EBF1: variants seen among roughly 807,000 people sequenced by gnomAD.
The protein encoded by EBF1 is EBF transcription factor 1.
In EBF1, 10 loss-of-function variants were observed where a neutral mutation model predicts 68.4. The observed-to-expected ratio is 0.15, with a 90% CI of 0.09 to 0.25. The LOEUF (loss-of-function observed/expected upper bound fraction) is 0.25, where lower values mean the gene tolerates loss of function less well. EBF1 is among the 10% of genes least tolerant of loss of function. The pLI is 1.00. For synonymous variants in EBF1, 298 were observed against 299.8 expected, an observed-to-expected ratio of 0.99 and a Z score of 0.06; for missense variants, 509 against 794.4, an observed-to-expected ratio of 0.64 and a Z score of 4.32.
intron 6 of EBF1, among the ~76,000 whole-genome samples, chr5:159,044,813 A>G (rs1164297548): frequency 2.6e-5 from 4 of 152,166 alleles, no homozygotes; most frequent in Non-Finnish European, 4.4e-5. Flanking sequence ...CATCTATTTC[A>G]TATCCCCTTT....
intron 10 of EBF1, among the ~76,000 whole-genome samples, chr5:158,753,534 C>T (rs1369453549): frequency 6.6e-6 from 1 of 152,028 alleles, no homozygotes. Flanking sequence ...GCAGGAACCC[C>T]ATGAAGTGTC....
intron 15 of EBF1, among the ~76,000 whole-genome samples, chr5:158,705,876 G>A (rs573932450): frequency 2.6e-5 from 4 of 152,298 alleles, no homozygotes; most frequent in Admixed American, 6.5e-5. Flanking sequence ...AGTGCTTCCC[G>A]TCAACTGCTG....
chr5:158,874,103 G>C (rs568029214), intron 6 of EBF1, among the ~76,000 whole-genome samples: 9 of 152,296 alleles, frequency 5.9e-5, no homozygotes, highest in African/African-American at 2.2e-4. Flanking sequence ...AGTTTCCACT[G>C]GTAGAGGAGA....
At chr5:158,803,300 C>T (rs561074462) in intron 8 of EBF1, among the ~76,000 whole-genome samples, 1 of 151,522 alleles carries the variant, frequency 6.6e-6, no homozygotes, top group Admixed American at 6.6e-5. Flanking sequence ...CACTTGGACT[C>T]AGCGCACAGA....
chr5:158,974,523 A>T (rs1389108121), intron 6 of EBF1, among the ~76,000 whole-genome samples: 2 of 152,160 alleles, frequency 1.3e-5, no homozygotes, highest in African/African-American at 4.8e-5. Context: ...TTCGAGATGG[A>T]GTTTTCTTTT....
intron 7 of EBF1, among the ~76,000 whole-genome samples, chr5:158,837,469 G>A (rs1789060057): frequency 6.6e-6 from 1 of 152,166 alleles, no homozygotes; most frequent in African/African-American, 2.4e-5. Flanking sequence ...ATAAGCAGAA[G>A]TGTCAATTTT....
At chr5:159,013,859 G>A (rs772878935) in intron 6 of EBF1, among the ~76,000 whole-genome samples, 8 of 152,086 alleles carry the variant, frequency 5.3e-5, no homozygotes, top group Admixed American at 2.0e-4. Flanking sequence ...ACTTTTCAGC[G>A]CTCCAAAGAA....
chr5:159,027,600 G>T lies in EBF1; in HGVS notation c.554+45796C>A, dbSNP rs73818912. ...CCTGACCCTAGATATTCTAATTCTG[G>T]CTGAGGCTTGGGAATCTTCATTTGA... On this transcript the variant is annotated intron_variant, in intron 6 of 15. Coordinates refer to ENST00000313708, the MANE Select transcript of EBF1 (RefSeq NM_024007.5). Among the ~76,000 whole-genome samples the T allele has an allele frequency of 1.8e-3, 269 of 152,260 alleles. 1 individual carries two copies. The highest frequency in any genetic ancestry group is 5.4e-3 in the African/African-American group (226 of 41,552).
At chr5:158,827,594 C>T (rs945858631) in intron 7 of EBF1, among the ~76,000 whole-genome samples, 1 of 152,176 alleles carries the variant, frequency 6.6e-6, no homozygotes, top group Admixed American at 6.5e-5. Context: ...ACCATCACTT[C>T]TCAGGCAGCC....
chr5:158,783,470 A>G (rs2127702036), intron 9 of EBF1, among the ~76,000 whole-genome samples: 2 of 152,314 alleles, frequency 1.3e-5, no homozygotes, highest in Middle Eastern at 3.4e-3. Context: ...CAACAATAAA[A>G]ATGCATTAAT....
chr5:158,867,824 A>G (rs770630778), intron 6 of EBF1, among the ~76,000 whole-genome samples: 1 of 152,224 alleles, frequency 6.6e-6, no homozygotes, highest in Non-Finnish European at 1.5e-5. Context: ...TTGAAAAACT[A>G]GATACTTGAA....
intron 6 of EBF1, among the ~76,000 whole-genome samples, chr5:158,895,232 CA>C (rs1279883100): frequency 6.6e-6 from 1 of 152,062 alleles, no homozygotes; most frequent in African/African-American, 2.4e-5. Context: ...ACAGAGTACT[CA>C]GTACAGCACT....
At chr5:159,043,618 A>G (rs1771711148) in intron 6 of EBF1, among the ~76,000 whole-genome samples, 1 of 152,166 alleles carries the variant, frequency 6.6e-6, no homozygotes, top group Non-Finnish European at 1.5e-5. Flanking sequence ...TTAGATTCAA[A>G]TTATGTCTTT....
chr5:158,808,133 T>C (rs1377423051), intron 8 of EBF1, among the ~76,000 whole-genome samples: 2 of 152,138 alleles, frequency 1.3e-5, no homozygotes, highest in Non-Finnish European at 2.9e-5. Context: ...TGATCTGTGA[T>C]GTCATAAGCA....
At chr5:158,953,994 G>A (rs1390795670) in intron 6 of EBF1, among the ~76,000 whole-genome samples, 1 of 152,222 alleles carries the variant, frequency 6.6e-6, no homozygotes, top group Non-Finnish European at 1.5e-5. Context: ...ACATTTATAT[G>A]AATAGCAAGA....
At chr5:158,849,572 G>A (rs1369349911) in intron 6 of EBF1, among the ~76,000 whole-genome samples, 2 of 152,200 alleles carry the variant, frequency 1.3e-5, no homozygotes, top group African/African-American at 2.4e-5. Context: ...GCAGTTGCTT[G>A]TATAATGGTC....
At chr5:158,775,799 C>G (rs1056740292) in intron 10 of EBF1, among the ~76,000 whole-genome samples, 6 of 146,854 alleles carry the variant, frequency 4.1e-5, no homozygotes, top group African/African-American at 1.0e-4. Context: ...CACACACACA[C>G]ACACACACAC....
At chr5:158,909,956 T>TTAAAAAAAAA (rs772406186) in intron 6 of EBF1, among the ~76,000 whole-genome samples, 7 of 46,736 alleles carry the variant, frequency 1.5e-4, no homozygotes, top group African/African-American at 5.1e-4. Context: ...ACTCTGTCTA[T>TTAAAAAAAAA]AAAAAAAAAA....
At chr5:159,022,056 T>TTAAA (rs765107678) in intron 6 of EBF1, among the ~76,000 whole-genome samples, 6 of 105,630 alleles carry the variant, frequency 5.7e-5, no homozygotes, top group African/African-American at 2.2e-4. Flanking sequence ...GTCAGCACGA[T>TTAAA]AAAAAAAAAA....
Sources: allele counts gnomAD v4.1 joint callset (sites outside exome capture counted in the v4.1 genomes callset), GRCh38; gene constraint gnomAD v4.1.1; transcripts MANE v1.5; gene names NCBI Gene and HGNC (gene_info 2026-07-23, HGNC 2026-07-21).